ADAMTSL1: variants seen among roughly 807,000 people sequenced by gnomAD.
ADAMTSL1 encodes ADAMTS-like protein 1.
A neutral mutation model predicts 201.8 loss-of-function variants in ADAMTSL1; 126 were observed. The observed-to-expected ratio is 0.62, with a 90% CI of 0.54 to 0.72. The LOEUF (loss-of-function observed/expected upper bound fraction) is 0.72, where lower values mean the gene tolerates loss of function less well. ADAMTSL1 is among the 30% of genes least tolerant of loss of function. The pLI, the probability that ADAMTSL1 is intolerant of heterozygous loss-of-function variation, is 0.00. For synonymous variants in ADAMTSL1, 1,121 were observed against 903.4 expected (o/e 1.24, Z -4.32); for missense variants, 2,679 against 2,277.8 (o/e 1.18, Z -3.59).
Position 18,777,001 on chromosome 9 carries a change from C to A in ADAMTSL1, c.2772C>A (p.Val924=). 1 of 1,602,758 alleles carries A rather than the reference C, an allele frequency of 6.2e-7. No homozygotes were observed. Among genetic ancestry groups the A allele is most frequent in the Non-Finnish European group, 8.5e-7 (1 of 1,172,802 alleles). The change falls in exon 19 of 29, where the codon GTC becomes GTA. Residue 924 remains valine, a synonymous_variant. Coordinates refer to ENST00000380548, the MANE Select transcript of ADAMTSL1 (RefSeq NM_001040272.6). ...AGCACCTCATCAGCTCGACGCACGTCACGGTGGCCCCCTTCGGCTATCTCA... is the reference window on the plus strand; with the variant it reads ...AGCACCTCATCAGCTCGACGCACGTAACGGTGGCCCCCTTCGGCTATCTCA... ...DGQHLISSTH[V]TVAPFGYLKI... is the part of the protein sequence containing the mutation.
chr9:18,689,656 A>G (rs987705923), intron 13 of ADAMTSL1, among the ~76,000 whole-genome samples: 1 of 152,248 alleles, frequency 6.6e-6, no homozygotes, highest in African/African-American at 2.4e-5. Flanking sequence ...AGGTTCTTCC[A>G]GATATATTTC....
chr9:17,942,797 C>A (rs1034409333), intron 1 of ADAMTSL1, among the ~76,000 whole-genome samples: 4 of 152,150 alleles, frequency 2.6e-5, no homozygotes, highest in Admixed American at 6.5e-5. Flanking sequence ...AATTAGGTAC[C>A]TTGTAGTCTC....
intron 23 of ADAMTSL1, among the ~76,000 whole-genome samples, chr9:18,862,091 C>A (rs1827249580): frequency 6.6e-6 from 1 of 152,162 alleles, no homozygotes; most frequent in African/African-American, 2.4e-5. Context: ...GCAGCTGAAC[C>A]CTGTGCTGTG....
chr9:18,279,074 C>T (rs765515429), intron 2 of ADAMTSL1, among the ~76,000 whole-genome samples: 8 of 152,148 alleles, frequency 5.3e-5, no homozygotes, highest in Non-Finnish European at 7.3e-5. Context: ...GCATAGCCCT[C>T]CTAATTTCAT....
intron 1 of ADAMTSL1, among the ~76,000 whole-genome samples, chr9:18,095,419 T>TC (rs1178549799): frequency 8.6e-6 from 1 of 116,456 alleles, no homozygotes; most frequent in Non-Finnish European, 1.6e-5. Flanking sequence ...TTTCTTTCTT[T>TC]TTTTTTTTTT....
chr9:18,505,605 A>G (rs1421072657), intron 2 of ADAMTSL1, among the ~76,000 whole-genome samples: 2 of 152,338 alleles, frequency 1.3e-5, no homozygotes, highest in East Asian at 3.9e-4. Flanking sequence ...TACTTAGAGT[A>G]ATAATTTAAA....
rs1287821367 is a variant in ADAMTSL1, at chr9:18,693,745, G to T, written c.1574+8945G>T. On this transcript the variant is annotated intron_variant, in intron 13 of 28. Transcript: ENST00000380548. ...TTATGTGAAGTTCTACCTTCATAGA[G>T]ATTTGGTCAAGTGAGGGGGACAATT... 4.6e-5 allele frequency among the ~76,000 whole-genome samples: 7 copies of T among 152,164 alleles called. No individual in the cohort carries two copies. The East Asian group carries it at 1.3e-3, about 29-fold the overall frequency.
intron 2 of ADAMTSL1, among the ~76,000 whole-genome samples, chr9:18,350,629 G>C (rs1054975713): frequency 6.6e-6 from 1 of 152,098 alleles, no homozygotes; most frequent in Non-Finnish European, 1.5e-5. Context: ...AATAAAGCAA[G>C]TTCTGGAGAG....
At chr9:18,476,356 A>G (rs566581366) in intron 1 of ADAMTSL1, among the ~76,000 whole-genome samples, 37 of 152,296 alleles carry the variant, frequency 2.4e-4, no homozygotes, top group Admixed American at 2.4e-3. Flanking sequence ...AGAGAATAGA[A>G]CATGTTTGCT....
intron 2 of ADAMTSL1, among the ~76,000 whole-genome samples, chr9:18,171,783 G>A (rs1450732730): frequency 6.6e-6 from 1 of 152,004 alleles, no homozygotes. Flanking sequence ...GTATTACCTA[G>A]GTTTTCTTCT....
intron 1 of ADAMTSL1, among the ~76,000 whole-genome samples, chr9:18,028,165 T>C (rs1820781863): frequency 6.6e-6 from 1 of 151,980 alleles, no homozygotes; most frequent in Admixed American, 6.6e-5. Flanking sequence ...AAGGTTACTA[T>C]TGGTATGTGA....
chr9:17,980,384 GT>G (rs201377461), intron 1 of ADAMTSL1, among the ~76,000 whole-genome samples: 1 of 150,044 alleles, frequency 6.7e-6, no homozygotes, highest in Non-Finnish European at 1.5e-5. Context: ...ATTTTGGTCT[GT>G]TTTTTTTTCT....
chr9:18,507,664 T>C (rs1306232623), intron 2 of ADAMTSL1, among the ~76,000 whole-genome samples: 2 of 152,178 alleles, frequency 1.3e-5, no homozygotes, highest in African/African-American at 4.8e-5. Flanking sequence ...AAGACTTTTG[T>C]TTATGTTGCA....
chr9:18,698,679 A>G (rs1831719586), intron 13 of ADAMTSL1, among the ~76,000 whole-genome samples: 2 of 152,212 alleles, frequency 1.3e-5, no homozygotes, highest in African/African-American at 4.8e-5. Context: ...GAAAACCAAG[A>G]GAGTTTGGTG....
intron 2 of ADAMTSL1, among the ~76,000 whole-genome samples, chr9:18,287,387 G>A (rs1306182103): frequency 6.6e-6 from 1 of 151,470 alleles, no homozygotes; most frequent in Non-Finnish European, 1.5e-5. Flanking sequence ...GTATATATGT[G>A]TGTATATATG....
chr9:18,651,924 A>ATATT (rs1828296438), intron 7 of ADAMTSL1, among the ~76,000 whole-genome samples: 1 of 151,496 alleles, frequency 6.6e-6, no homozygotes, highest in Non-Finnish European at 1.5e-5. Context: ...ATATATATAT[A>ATATT]TTTCCTTCAT....
At chr9:18,904,080 T>G (rs1588356295) in intron 26 of ADAMTSL1, among the ~76,000 whole-genome samples, 1 of 152,138 alleles carries the variant, frequency 6.6e-6, no homozygotes, top group Non-Finnish European at 1.5e-5. Context: ...AGCTTACTCT[T>G]GCCTCGGCTT....
intron 23 of ADAMTSL1, among the ~76,000 whole-genome samples, chr9:18,831,221 A>C (rs1047753319): frequency 6.6e-6 from 1 of 152,262 alleles, no homozygotes; most frequent in African/African-American, 2.4e-5. Flanking sequence ...TCTGTTGCCC[A>C]TGATTTATAC....
intron 2 of ADAMTSL1, among the ~76,000 whole-genome samples, chr9:18,269,605 T>C (rs1832276552): frequency 6.6e-6 from 1 of 152,156 alleles, no homozygotes; most frequent in Non-Finnish European, 1.5e-5. Flanking sequence ...ATCATAATAA[T>C]CTTGGTCACT....
Sources: gnomAD v4.1 joint callset for allele counts (sites outside exome capture counted in the v4.1 genomes callset) on GRCh38, gnomAD v4.1.1 for gene constraint, MANE v1.5 for transcripts, NCBI Gene and HGNC (gene_info 2026-07-23, HGNC 2026-07-21) for gene names.